The following TMEM117 variants were observed in gnomAD, a reference collection of about 807,000 sequenced individuals.
TMEM117 encodes transmembrane protein 117.
Under a neutral mutation model 52.4 loss-of-function variants are expected in TMEM117, and 27 were observed. That is an observed-to-expected ratio of 0.51 (90% CI 0.38 to 0.71). The LOEUF (loss-of-function observed/expected upper bound fraction) is 0.71. TMEM117 is among the 30% of genes least tolerant of loss of function. The probability of loss-of-function intolerance (pLI) is 0.00; values close to 1 mark genes in which losing one functional copy is unlikely to be tolerated. For synonymous variants in TMEM117, 215 were observed against 206.3 expected (o/e 1.04, Z -0.36); for missense variants, 556 against 630.5 (o/e 0.88, Z 1.26).
chr12:43,881,926 G>C (rs1038714726), intron 2 of TMEM117, among the ~76,000 whole-genome samples: 7 of 148,036 alleles, frequency 4.7e-5, no homozygotes, highest in Non-Finnish European at 7.4e-5. Context: ...CAAAAAATTA[G>C]CTGGGCGTGG....
At chr12:44,353,894 C>G (rs1472511582) in intron 6 of TMEM117, among the ~76,000 whole-genome samples, 48 of 152,148 alleles carry the variant, frequency 3.2e-4, no homozygotes, top group East Asian at 5.8e-4. Context: ...GGGCAGTATG[C>G]CCATTTTCAC....
chr12:44,352,865 C>A (rs570276820), intron 6 of TMEM117, among the ~76,000 whole-genome samples: 1 of 152,076 alleles, frequency 6.6e-6, no homozygotes, highest in Non-Finnish European at 1.5e-5. Flanking sequence ...CCTGAGGAAT[C>A]GCCACACTGT....
intron 3 of TMEM117, among the ~76,000 whole-genome samples, chr12:44,085,455 G>A (rs1947551421): frequency 6.6e-6 from 1 of 152,190 alleles, no homozygotes; most frequent in South Asian, 2.1e-4. Flanking sequence ...TAGTGGTTCT[G>A]GGGCTCTGGT....
intron 2 of TMEM117, among the ~76,000 whole-genome samples, chr12:43,883,972 A>C (rs1055434144): frequency 1.3e-5 from 2 of 151,988 alleles, no homozygotes; most frequent in Non-Finnish European, 2.9e-5. Context: ...CCCTGACTCT[A>C]CAAGAAATAC....
At chr12:44,010,605 T>A (rs2137806359) in intron 3 of TMEM117, among the ~76,000 whole-genome samples, 1 of 152,354 alleles carries the variant, frequency 6.6e-6, no homozygotes, top group East Asian at 1.9e-4. Context: ...CTTTTGTGGT[T>A]TAAATTATTT....
chr12:43,847,256 C>T (rs1943226255), intron 2 of TMEM117, among the ~76,000 whole-genome samples: 1 of 152,030 alleles, frequency 6.6e-6, no homozygotes, highest in East Asian at 1.9e-4. Flanking sequence ...GAAATGGTGG[C>T]TTAGAGAGGA....
chr12:43,981,021 C>T (rs1253281954), intron 3 of TMEM117, among the ~76,000 whole-genome samples: 1 of 152,108 alleles, frequency 6.6e-6, no homozygotes, highest in Non-Finnish European at 1.5e-5. Flanking sequence ...TTATTATCTG[C>T]CCTCGCCCTT....
chr12:44,102,427 C>T (rs1053561786), intron 3 of TMEM117, among the ~76,000 whole-genome samples: 2 of 151,472 alleles, frequency 1.3e-5, no homozygotes, highest in Admixed American at 1.3e-4. Flanking sequence ...TTTTTTTTCC[C>T]CTCAGTAAGT....
chr12:44,308,689 G>A (rs898740773), intron 6 of TMEM117, among the ~76,000 whole-genome samples: 1 of 148,790 alleles, frequency 6.7e-6, no homozygotes, highest in Admixed American at 6.7e-5. Context: ...GCGCCATCTC[G>A]GCTCGCTGCA....
rs533610520 is a variant in TMEM117, at chr12:44,376,712, A to G, written c.886A>G (p.Ile296Val). The G allele has an allele frequency of 6.2e-7, 1 of 1,609,206 alleles. No individual in the cohort carries two copies. The highest frequency in any genetic ancestry group is 1.7e-5 in the Admixed American group (1 of 59,004). ...FQKIFKEEYR[I>V]HITGKWFNYG... is the part of the protein sequence containing the mutation. ...GAAAATCTTCAAGGAGGAATATCGT[A>G]TTCACATAACAGGTGTGTTATATCT... The change falls in exon 7 of 8, where the codon ATT becomes GTT. Residue 296 changes from isoleucine (I) to valine (V), a missense_variant. By Grantham distance (29) the Ile-to-Val change is conservative (BLOSUM62 3). Coordinates refer to ENST00000266534, the MANE Select transcript of TMEM117 (RefSeq NM_032256.3).
At chr12:43,962,796 C>T (rs758042587) in intron 3 of TMEM117, among the ~76,000 whole-genome samples, 3 of 151,906 alleles carry the variant, frequency 2.0e-5, no homozygotes, top group Non-Finnish European at 2.9e-5. Flanking sequence ...GGCATGGCGG[C>T]GGGCGCCTGT....
At chr12:44,210,824 T>A (rs565331805) in intron 4 of TMEM117, among the ~76,000 whole-genome samples, 1 of 152,174 alleles carries the variant, frequency 6.6e-6, no homozygotes, top group African/African-American at 2.4e-5. Context: ...AGAATAAATA[T>A]GCTGTAGAAC....
intron 2 of TMEM117, among the ~76,000 whole-genome samples, chr12:43,940,854 A>C (rs1358083565): frequency 6.6e-6 from 1 of 152,008 alleles, no homozygotes; most frequent in Non-Finnish European, 1.5e-5. Context: ...CATAATATAT[A>C]CTTTTAAATA....
intron 3 of TMEM117, among the ~76,000 whole-genome samples, chr12:43,999,862 G>T (rs1263923548): frequency 6.6e-6 from 1 of 152,094 alleles, no homozygotes; most frequent in Non-Finnish European, 1.5e-5. Context: ...ATAAAGCTTG[G>T]CTCACCACCA....
intron 3 of TMEM117, among the ~76,000 whole-genome samples, chr12:44,014,544 A>C (rs1173026467): frequency 2.0e-5 from 3 of 152,168 alleles, no homozygotes; most frequent in African/African-American, 7.2e-5. Context: ...AAACCACTGC[A>C]TTGTTTTATT....
chr12:44,318,654 C>T (rs1951089771), intron 6 of TMEM117, among the ~76,000 whole-genome samples: 1 of 152,044 alleles, frequency 6.6e-6, no homozygotes, highest in Admixed American at 6.5e-5. Context: ...GGCCAGAAAT[C>T]TGCCAGGGTA....
At chr12:43,868,704 C>CT (rs1216649130) in intron 2 of TMEM117, among the ~76,000 whole-genome samples, 1 of 151,784 alleles carries the variant, frequency 6.6e-6, no homozygotes, top group Non-Finnish European at 1.5e-5. Context: ...CAAAACAGTG[C>CT]TTAGGGTTAG....
intron 4 of TMEM117, among the ~76,000 whole-genome samples, chr12:44,199,794 A>G (rs1016358909): frequency 1.3e-5 from 2 of 152,156 alleles, no homozygotes; most frequent in Non-Finnish European, 2.9e-5. Context: ...AAGAGAAGAG[A>G]TGAAAAATCT....
upstream of TMEM117, among the ~76,000 whole-genome samples, chr12:43,834,744 C>T (rs975766565): frequency 3.9e-5 from 6 of 152,232 alleles, no homozygotes; most frequent in Admixed American, 3.9e-4. Context: ...ATTGATTATG[C>T]AGTGGATTGA....
Sources: allele counts gnomAD v4.1 joint callset (sites outside exome capture counted in the v4.1 genomes callset), GRCh38; gene constraint gnomAD v4.1.1; transcripts MANE v1.5; gene names NCBI Gene and HGNC (gene_info 2026-07-23, HGNC 2026-07-21).